Variants in ZBTB16 observed in about 807,000 individuals in gnomAD.
ZBTB16 encodes the protein zinc finger and BTB domain containing 16.
A neutral mutation model predicts 56.8 loss-of-function variants in ZBTB16; 8 were observed. The ratio of observed to expected loss-of-function variants is 0.14; its 90% CI spans 0.08 to 0.25. The LOEUF is 0.25. Among genes scored for constraint, ZBTB16 ranks in the 10% least tolerant of loss-of-function variants. ZBTB16 has a pLI of 1.00. For missense variants in ZBTB16, 625 were observed against 903.0 expected, an observed-to-expected ratio of 0.69 and a Z score of 3.95; for synonymous variants, 363 against 368.5, an observed-to-expected ratio of 0.98 and a Z score of 0.17.
chr11:114,100,732 G>A (rs1300179227), intron 2 of ZBTB16, among the ~76,000 whole-genome samples: 1 of 152,112 alleles, frequency 6.6e-6, no homozygotes, highest in East Asian at 1.9e-4. Context: ...TGTGAGATGC[G>A]GCACATTTCG....
At chr11:114,104,578 C>T (rs1327017854) in intron 2 of ZBTB16, among the ~76,000 whole-genome samples, 1 of 152,152 alleles carries the variant, frequency 6.6e-6, no homozygotes, top group Non-Finnish European at 1.5e-5. Flanking sequence ...GTGCGTTTTC[C>T]AGAATCTCTC....
intron 3 of ZBTB16, among the ~76,000 whole-genome samples, chr11:114,176,671 G>A (rs1158350333): frequency 6.6e-6 from 1 of 152,178 alleles, no homozygotes; most frequent in African/African-American, 2.4e-5. Flanking sequence ...TGAGCGCCCA[G>A]CTTCTCATGA....
intron 4 of ZBTB16, among the ~76,000 whole-genome samples, chr11:114,233,011 T>G (rs1944472493): frequency 6.6e-6 from 1 of 150,852 alleles, no homozygotes; most frequent in African/African-American, 2.4e-5. Flanking sequence ...CCTCTCCGGA[T>G]TTACTTTCCA....
At chr11:114,200,195 A>T (rs1044809548) in intron 4 of ZBTB16, among the ~76,000 whole-genome samples, 26 of 151,812 alleles carry the variant, frequency 1.7e-4, no homozygotes, top group African/African-American at 6.3e-4. Flanking sequence ...GGGAAGGAGG[A>T]CTGATGTATG....
intron 2 of ZBTB16, among the ~76,000 whole-genome samples, chr11:114,130,861 C>T (rs547037227): frequency 3.9e-5 from 6 of 152,292 alleles, no homozygotes; most frequent in African/African-American, 1.2e-4. Flanking sequence ...CAGGATAGAG[C>T]GATGATAATT....
At chr11:114,212,828 G>A (rs1944022989) in intron 4 of ZBTB16, among the ~76,000 whole-genome samples, 1 of 152,042 alleles carries the variant, frequency 6.6e-6, no homozygotes, top group South Asian at 2.1e-4. Context: ...CTCGGAGCAG[G>A]CAGTCCGTGC....
chr11:114,087,848 T>C (rs377167482), intron 2 of ZBTB16, among the ~76,000 whole-genome samples: 14 of 152,346 alleles, frequency 9.2e-5, no homozygotes, highest in South Asian at 4.1e-4. Context: ...TGTACACCCC[T>C]GAAGGCAGGG....
intron 2 of ZBTB16, among the ~76,000 whole-genome samples, chr11:114,090,518 C>T (rs1190009473): frequency 6.6e-6 from 1 of 152,206 alleles, no homozygotes; most frequent in Non-Finnish European, 1.5e-5. Context: ...CCACCCCCAT[C>T]ATAAACACGT....
At chr11:114,228,256 G>T (rs1470193760) in intron 4 of ZBTB16, among the ~76,000 whole-genome samples, 2 of 152,166 alleles carry the variant, frequency 1.3e-5, no homozygotes, top group African/African-American at 4.8e-5. Flanking sequence ...ATAACATCAG[G>T]CTGTAATTGA....
At chr11:114,209,798 T>C (rs750024285) in intron 4 of ZBTB16, 2 of 985,310 alleles carry the variant, frequency 2.0e-6, no homozygotes, top group Non-Finnish European at 1.2e-6. Flanking sequence ...TTTAGGAAAA[T>C]GGGTTCGAGA....
At chr11:114,167,317 C>A (rs1212575736) in intron 3 of ZBTB16, among the ~76,000 whole-genome samples, 2 of 125,368 alleles carry the variant, frequency 1.6e-5, no homozygotes. Context: ...TTTTCTCTCT[C>A]TCTCTCTCTC....
At chr11:114,239,401 G>C (rs555445808) in intron 4 of ZBTB16, among the ~76,000 whole-genome samples, 22 of 152,216 alleles carry the variant, frequency 1.4e-4, no homozygotes, top group Middle Eastern at 3.4e-3. Flanking sequence ...GGCTCTCTGT[G>C]GGGTGGGGGT....
chr11:114,122,457 A>G (rs1941372191), intron 2 of ZBTB16, among the ~76,000 whole-genome samples: 1 of 149,968 alleles, frequency 6.7e-6, no homozygotes, highest in African/African-American at 2.4e-5. Flanking sequence ...TGTATTACAT[A>G]GGGCTTTTTT....
intron 2 of ZBTB16, among the ~76,000 whole-genome samples, chr11:114,115,747 A>G (rs558278057): frequency 2.0e-5 from 3 of 152,220 alleles, no homozygotes; most frequent in East Asian, 1.9e-4. Flanking sequence ...CAGAAACACA[A>G]CTGCTGTGGC....
chr11:114,134,598 G>T (rs903693409), intron 2 of ZBTB16, among the ~76,000 whole-genome samples: 10 of 152,192 alleles, frequency 6.6e-5, no homozygotes, highest in Non-Finnish European at 1.0e-4. Flanking sequence ...AAATTAATTA[G>T]CACAGTTGAA....
intron 4 of ZBTB16, among the ~76,000 whole-genome samples, chr11:114,198,466 G>A (rs928227260): frequency 6.6e-5 from 10 of 152,130 alleles, no homozygotes; most frequent in African/African-American, 2.4e-4. Context: ...CAACCCAGCC[G>A]TCTCCTGCTG....
intron 3 of ZBTB16, among the ~76,000 whole-genome samples, chr11:114,172,190 G>A (rs191394628): frequency 1.4e-4 from 22 of 152,300 alleles, no homozygotes; most frequent in Non-Finnish European, 2.9e-5. Flanking sequence ...AATGTCCTGC[G>A]ACCGCACACA....
intron 2 of ZBTB16, among the ~76,000 whole-genome samples, chr11:114,098,947 A>G (rs10488697): frequency 0.092 from 14,007 of 152,252 alleles, 826 homozygotes; most frequent in East Asian, 0.12. Flanking sequence ...CTTCTATGGC[A>G]CTGCCGAATT....
In ZBTB16 at chr11:114,064,517, G is replaced by A; in HGVS notation, c.1217G>A (p.Cys406Tyr). ...GAGAGCCGGACCATCGGAGAGCAGT[G>A]CAGCGTGTGTGGGGTCGAGCTTCCT... is the stretch of plus-strand genomic sequence containing the variant. ...KSESRTIGEQ[C>Y]SVCGVELPDN... is the part of the protein sequence containing the mutation. Residue 406 changes from cysteine to tyrosine, a missense_variant, in exon 2 of 7, where the codon TGC becomes TAC. Coordinates refer to ENST00000335953, the MANE Select transcript of ZBTB16 (RefSeq NM_006006.6). This position sits in a 1 kb window ranked among gnomAD's most constrained non-coding sequence, Gnocchi z 4.2. 1.2e-6 allele frequency: 2 copies of A among 1,614,098 alleles called. No homozygotes were observed. Among genetic ancestry groups the A allele is most frequent in the Non-Finnish European group, 8.5e-7 (1 of 1,180,038 alleles).
Sources: gnomAD v4.1 joint callset for allele counts (sites outside exome capture counted in the v4.1 genomes callset) on GRCh38, gnomAD v4.1.1 for gene constraint, Gnocchi (gnomAD v3.1) non-coding constraint, MANE v1.5 for transcripts, NCBI Gene and HGNC (gene_info 2026-07-23, HGNC 2026-07-21) for gene names.